TRIM49C: variants seen among roughly 807,000 people sequenced by gnomAD.
The protein encoded by TRIM49C is tripartite motif containing 49C.
Under a neutral mutation model 21.4 loss-of-function variants are expected in TRIM49C, and 6 were observed. The observed-to-expected ratio is 0.28, with a 90% CI of 0.15 to 0.55. The LOEUF is 0.55. TRIM49C is among the 20% of genes least tolerant of loss of function. The pLI, the probability that TRIM49C is intolerant of heterozygous loss-of-function variation, is 0.94. For missense variants in TRIM49C, 161 were observed against 442.4 expected (o/e 0.36, Z 5.71); for synonymous variants, 57 against 148.1 (o/e 0.38, Z 4.47).
intron 2 of TRIM49C, among the ~76,000 whole-genome samples, chr11:90,033,532 C>G (rs1315709361): frequency 7.7e-6 from 1 of 130,406 alleles, no homozygotes; most frequent in Non-Finnish European, 1.6e-5. Context: ...GTATGCAGTA[C>G]AGAACATACT....
chr11:90,046,926 C>A (rs1202521982), downstream of TRIM49C, among the ~76,000 whole-genome samples: 2 of 125,534 alleles, frequency 1.6e-5, 1 homozygote, highest in African/African-American at 6.4e-5. Flanking sequence ...TTTCCCTCTA[C>A]ACACTGCTTT....
At chr11:90,072,816 CT>C in the TRIM49C span, 9 of 315,642 alleles carry the variant, frequency 2.9e-5, no homozygotes, top group Non-Finnish European at 5.1e-5. Context: ...ACTTTGTAAT[CT>C]TGACCTGTGT....
chr11:90,045,256 AG>A (rs1950794147), downstream of TRIM49C, among the ~76,000 whole-genome samples: 1 of 116,502 alleles, frequency 8.6e-6, no homozygotes, highest in Non-Finnish European at 1.8e-5. Flanking sequence ...CTTGGCTGTG[AG>A]GGCTCTTTTT....
the TRIM49C span, chr11:90,073,343 T>C: frequency 5.5e-6 from 4 of 732,668 alleles, no homozygotes; most frequent in Admixed American, 7.6e-5. Flanking sequence ...CCCAGCTGGC[T>C]CCTTAAATTT....
chr11:90,064,239 TAA>T, the TRIM49C span, among the ~76,000 whole-genome samples: 2 of 150,570 alleles, frequency 1.3e-5, no homozygotes, highest in South Asian at 2.1e-4. Context: ...ACATTAAATG[TAA>T]TTAATATCTA....
At chr11:90,072,220 G>A in the TRIM49C span, among the ~76,000 whole-genome samples, 3 of 142,016 alleles carry the variant, frequency 2.1e-5, no homozygotes, top group Non-Finnish European at 3.1e-5. Flanking sequence ...TTTTAATCAC[G>A]TGCATTTTAA....
chr11:90,070,575 G>A, the TRIM49C span, among the ~76,000 whole-genome samples: 1 of 138,900 alleles, frequency 7.2e-6, no homozygotes. Flanking sequence ...GTCTAACATG[G>A]CATGACACTC....
the TRIM49C span, chr11:90,062,868 T>C: frequency 1.4e-6 from 2 of 1,407,340 alleles, no homozygotes; most frequent in Admixed American, 4.9e-5. Flanking sequence ...TCTGCCTTCT[T>C]CTGAGCAGAG....
chr11:90,058,428 A>G, the TRIM49C span, among the ~76,000 whole-genome samples: 1 of 130,428 alleles, frequency 7.7e-6, no homozygotes, highest in East Asian at 2.5e-4. Context: ...TTTGTCTTTA[A>G]GATCATCAAC....
At chr11:90,033,445 T>C (rs1468613588) in intron 2 of TRIM49C, among the ~76,000 whole-genome samples, 1 of 135,860 alleles carries the variant, frequency 7.4e-6, no homozygotes, top group African/African-American at 2.6e-5. Flanking sequence ...ATAATACCAA[T>C]ATGTTTACTG....
chr11:90,034,796 C>A (rs1451979462), intron 2 of TRIM49C, among the ~76,000 whole-genome samples: 2 of 130,728 alleles, frequency 1.5e-5, no homozygotes, highest in Non-Finnish European at 3.3e-5. Flanking sequence ...CTTTGGCCAT[C>A]TTCTCATATT....
downstream of TRIM49C, among the ~76,000 whole-genome samples, chr11:90,043,670 T>C (rs1225844442): frequency 4.9e-5 from 6 of 121,480 alleles, 2 homozygotes; most frequent in Middle Eastern, 3.6e-3. Flanking sequence ...AATAGTCTCA[T>C]GTCTAGAGGA....
the TRIM49C span, among the ~76,000 whole-genome samples, chr11:90,054,425 TTTAC>T: frequency 1.5e-5 from 2 of 137,364 alleles, no homozygotes; most frequent in African/African-American, 2.6e-5. Flanking sequence ...TATTTATTTA[TTTAC>T]TTATTTATTC....
downstream of TRIM49C, among the ~76,000 whole-genome samples, chr11:90,043,701 C>T (rs1950785524): frequency 1.6e-5 from 2 of 121,802 alleles, no homozygotes; most frequent in African/African-American, 3.3e-5. Context: ...TCTAGGTAAG[C>T]AGTAATTATT....
chr11:90,039,044 C>G (rs1340026193), intron 6 of TRIM49C, among the ~76,000 whole-genome samples: 4 of 136,104 alleles, frequency 2.9e-5, no homozygotes, highest in East Asian at 2.3e-4. Context: ...CTCAGCCTCC[C>G]GAGTACCCGG....
the TRIM49C span, among the ~76,000 whole-genome samples, chr11:90,066,025 C>CT: frequency 7.2e-6 from 1 of 138,594 alleles, no homozygotes; most frequent in Non-Finnish European, 1.6e-5. Context: ...CTTGCTAACT[C>CT]TTTTTTTTCT....
chr11:90,067,433 A>C, the TRIM49C span, among the ~76,000 whole-genome samples: 1 of 148,046 alleles, frequency 6.8e-6, no homozygotes, highest in Non-Finnish European at 1.5e-5. Context: ...AGCATGGTAA[A>C]ATACACTATC....
the TRIM49C span, among the ~76,000 whole-genome samples, chr11:90,069,764 G>A: frequency 4.5e-5 from 5 of 111,300 alleles, 1 homozygote; most frequent in African/African-American, 1.1e-4. Flanking sequence ...GTGTTATTCC[G>A]TGTGAAATGA....
the TRIM49C span, among the ~76,000 whole-genome samples, chr11:90,060,506 A>G: frequency 7.2e-5 from 11 of 151,814 alleles, no homozygotes; most frequent in Non-Finnish European, 1.5e-4. Flanking sequence ...TAAAGCAAAG[A>G]TATCTAGGTT....
Sources: allele counts gnomAD v4.1 joint callset (sites outside exome capture counted in the v4.1 genomes callset), GRCh38; gene constraint gnomAD v4.1.1; transcripts MANE v1.5; gene names NCBI Gene and HGNC (gene_info 2026-07-23, HGNC 2026-07-21).